LIPA: variants seen among roughly 807,000 people sequenced by gnomAD.
The protein encoded by LIPA is lysosomal acid lipase/cholesteryl ester hydrolase.
In LIPA, 26 loss-of-function variants were observed where a neutral mutation model predicts 40.6. That is an observed-to-expected ratio of 0.64 (90% CI 0.47 to 0.89). The LOEUF is 0.89. LIPA is among the 40% of genes least tolerant of loss of function. The probability of loss-of-function intolerance (pLI) is 0.00; values close to 1 mark genes in which losing one functional copy is unlikely to be tolerated. For synonymous variants in LIPA, 188 were observed against 168.4 expected (o/e 1.12, Z -0.90); for missense variants, 455 against 479.6 (o/e 0.95, Z 0.48).
chr10:89,302,130 TA>T, intron 1 of LIPA: 1 of 1,613,822 alleles, frequency 6.2e-7, no homozygotes, highest in Non-Finnish European at 8.5e-7. Flanking sequence ...AACCATGAGG[TA>T]AATATTTTCC....
chr10:89,293,591 C>T (rs1843389466), intron 1 of LIPA: 2 of 151,826 alleles, frequency 1.3e-5, no homozygotes, highest in Non-Finnish European at 2.9e-5. Flanking sequence ...TGCTAGAAGT[C>T]CAAGTTGGTT....
intron 2 of LIPA, among the ~76,000 whole-genome samples, chr10:89,366,303 C>T (rs904145699): frequency 6.6e-6 from 1 of 152,070 alleles, no homozygotes; most frequent in Non-Finnish European, 1.5e-5. Context: ...ATTTTGTATC[C>T]TGAGACTTTG....
rs761591779 is a variant in LIPA at position 89,383,805 on chromosome 10, T to G, written c.61+28986A>C. 1.7e-5 allele frequency: 27 copies of G among 1,614,200 alleles called. No individual in the cohort carries two copies. Among genetic ancestry groups the G allele is most frequent in the Non-Finnish European group, 2.0e-5 (24 of 1,180,034 alleles). ...ATTATGAACGGGCCAAGACCTGCTT[T>G]GAAAAGGCTCTGGAAGGGAACCCTG... is the stretch of plus-strand genomic sequence containing the variant. On this transcript the variant is annotated intron_variant, in intron 2 of 8. Coordinates refer to the LIPA transcript ENST00000371837.
At chr10:89,267,038 A>T (rs1048125686) in intron 1 of LIPA, among the ~76,000 whole-genome samples, 1 of 152,214 alleles carries the variant, frequency 6.6e-6, no homozygotes, top group Non-Finnish European at 1.5e-5. Context: ...ATCTTTGTTT[A>T]TAACCATCAA....
At chr10:89,376,512 T>A (rs1400398823) in intron 2 of LIPA, among the ~76,000 whole-genome samples, 1 of 152,204 alleles carries the variant, frequency 6.6e-6, no homozygotes, top group African/African-American at 2.4e-5. Flanking sequence ...ACTGGAGCAG[T>A]AACTCAGAAG....
chr10:89,292,024 C>G (rs1055773962), intron 1 of LIPA: 5 of 152,228 alleles, frequency 3.3e-5, no homozygotes, highest in Non-Finnish European at 7.3e-5. Flanking sequence ...TGGAAGAACT[C>G]TGTGTCCTTG....
At chr10:89,294,880 G>A (rs905802176) in intron 1 of LIPA, among the ~76,000 whole-genome samples, 4 of 151,926 alleles carry the variant, frequency 2.6e-5, no homozygotes, top group Non-Finnish European at 5.9e-5. Flanking sequence ...AGACTGAGGT[G>A]GGAAGATCAC....
At chr10:89,304,619 G>C (rs535801528) in intron 1 of LIPA, among the ~76,000 whole-genome samples, 1 of 152,164 alleles carries the variant, frequency 6.6e-6, no homozygotes, top group African/African-American at 2.4e-5. Flanking sequence ...ATTTAAATAA[G>C]AAAAGGCAAC....
chr10:89,307,644 C>T, intron 1 of LIPA: 1 of 337,358 alleles, frequency 3.0e-6, no homozygotes, highest in Non-Finnish European at 5.5e-6. Context: ...GCAATTTGAA[C>T]TGTAACATTT....
intron 3 of LIPA, among the ~76,000 whole-genome samples, chr10:89,232,239 C>T (rs188392672): frequency 1.5e-3 from 222 of 152,236 alleles, no homozygotes; most frequent in African/African-American, 4.7e-3. Flanking sequence ...TGATGGTGCC[C>T]AACACTTTCT....
chr10:89,412,558 TGTTC>T, intron 2 of LIPA: 1 of 171,724 alleles, frequency 5.8e-6, no homozygotes. Context: ...GTGGAAGTTT[TGTTC>T]TTTCGCTCTT....
At chr10:89,257,487 G>A (rs1395679585) in intron 1 of LIPA, among the ~76,000 whole-genome samples, 2 of 152,178 alleles carry the variant, frequency 1.3e-5, no homozygotes, top group Non-Finnish European at 2.9e-5. Flanking sequence ...CAAAGATAGA[G>A]TAACAATGAC....
intron 1 of LIPA, among the ~76,000 whole-genome samples, chr10:89,316,853 G>C (rs1169705645): frequency 6.6e-6 from 1 of 152,214 alleles, no homozygotes; most frequent in Non-Finnish European, 1.5e-5. Flanking sequence ...ACCTCATACG[G>C]CAGAGTGCAC....
chr10:89,407,853 C>T (rs923637319), intron 2 of LIPA, among the ~76,000 whole-genome samples: 28 of 152,004 alleles, frequency 1.8e-4, no homozygotes, highest in African/African-American at 6.3e-4. Flanking sequence ...GTAAGGGCCA[C>T]TAAATCCAAC....
At chr10:89,258,987 A>G (rs942353117) in intron 1 of LIPA, among the ~76,000 whole-genome samples, 1 of 152,254 alleles carries the variant, frequency 6.6e-6, no homozygotes, top group African/African-American at 2.4e-5. Context: ...AATGTCCAGA[A>G]TAGGCAAATC....
At chr10:89,274,860 A>G (rs1371618012) in intron 1 of LIPA, among the ~76,000 whole-genome samples, 2 of 152,146 alleles carry the variant, frequency 1.3e-5, no homozygotes, top group Non-Finnish European at 2.9e-5. Flanking sequence ...TAATTTGTTG[A>G]TGCTGCTGCA....
intron 2 of LIPA, among the ~76,000 whole-genome samples, chr10:89,387,573 T>C (rs1006396108): frequency 6.6e-6 from 1 of 152,042 alleles, no homozygotes; most frequent in Non-Finnish European, 1.5e-5. Context: ...TGGTTACCAA[T>C]AAGAAAGAGA....
At chr10:89,262,168 A>G (rs1361706821) in intron 1 of LIPA, among the ~76,000 whole-genome samples, 6 of 152,156 alleles carry the variant, frequency 3.9e-5, no homozygotes, top group Admixed American at 3.9e-4. Context: ...GGTATTCCCT[A>G]TGGGAAAGCA....
intron 3 of LIPA, among the ~76,000 whole-genome samples, chr10:89,235,177 A>G (rs1372880366): frequency 6.6e-6 from 1 of 152,260 alleles, no homozygotes; most frequent in African/African-American, 2.4e-5. Context: ...AGGGGCACCC[A>G]CTCAGCCTCG....
Sources: allele counts gnomAD v4.1 joint callset (sites outside exome capture counted in the v4.1 genomes callset), GRCh38; gene constraint gnomAD v4.1.1; transcripts MANE v1.5; gene names NCBI Gene and HGNC (gene_info 2026-07-23, HGNC 2026-07-21).